TMPRSS9: variants seen among roughly 807,000 people sequenced by gnomAD.
TMPRSS9 encodes the protein transmembrane serine protease 9.
Under a neutral mutation model 111.4 loss-of-function variants are expected in TMPRSS9, and 113 were observed. The ratio of observed to expected loss-of-function variants is 1.01; its 90% CI spans 0.87 to 1.19. TMPRSS9 has a LOEUF of 1.19. TMPRSS9 is among the 50% of genes most tolerant of loss of function. The pLI, the probability that TMPRSS9 is intolerant of heterozygous loss-of-function variation, is 0.00. For synonymous variants in TMPRSS9, 805 were observed against 659.1 expected, an observed-to-expected ratio of 1.22 and a Z score of -3.39; for missense variants, 1,803 against 1,513.1, an observed-to-expected ratio of 1.19 and a Z score of -3.18.
intron 1 of TMPRSS9, among the ~76,000 whole-genome samples, chr19:2,381,807 T>A (rs1471462317): frequency 6.6e-6 from 1 of 150,876 alleles, no homozygotes; most frequent in African/African-American, 2.5e-5. Flanking sequence ...TCGGAGACAT[T>A]AGAATTTCAG....
intron 1 of TMPRSS9, among the ~76,000 whole-genome samples, chr19:2,370,844 C>T (rs929673395): frequency 3.9e-5 from 6 of 152,142 alleles, no homozygotes; most frequent in East Asian, 3.9e-4. Context: ...CATTTGTAGT[C>T]CCATCTACTC....
In TMPRSS9 at chr19:2,413,715, C is replaced by A. The variant is rs1176526327; in HGVS notation, c.1270C>A (p.Pro424Thr). ...GGTTTCCTAGGGTGACTCAGGAGGA[C>A]CCCTGGTCTGCGAGGAGCCCTCTGG... The change falls in exon 10 of 18, where the codon CCC becomes ACC. Residue 424 changes from proline (P) to threonine (T), a missense_variant. By Grantham distance (38) the Pro-to-Thr change is conservative. Coordinates refer to ENST00000648592, the Ensembl canonical transcript of TMPRSS9. 6 of 1,610,130 alleles carry A rather than the reference C, an allele frequency of 3.7e-6. No homozygotes were observed. The Admixed American group carries it at 1.0e-4, about 27-fold the overall frequency.
rs1482888765 is a variant in TMPRSS9, at chr19:2,407,316, G to GT, written c.843-1037dup. On this transcript the variant is annotated intron_variant, in intron 7 of 17. Coordinates refer to ENST00000648592, the Ensembl canonical transcript of TMPRSS9. ...GTGGGGGGATCACTTGAGGTCAGGA[G>GT]TTTGAGACCAGCCTGGCCAACATGG... Among the ~76,000 whole-genome samples, 13 of 151,612 alleles carry GT rather than the reference G, an allele frequency of 8.6e-5. No individual in the cohort carries two copies. The East Asian group carries it at 2.4e-3, about 28-fold the overall frequency.
chr19:2,370,678 C>T (rs1568465897), intron 1 of TMPRSS9, among the ~76,000 whole-genome samples: 1 of 152,096 alleles, frequency 6.6e-6, no homozygotes, highest in Non-Finnish European at 1.5e-5. Context: ...ATGGGTAATT[C>T]ACCCAGGATG....
At chr19:2,402,522 C>A (rs1970872460) in intron 5 of TMPRSS9, among the ~76,000 whole-genome samples, 1 of 151,894 alleles carries the variant, frequency 6.6e-6, no homozygotes, top group African/African-American at 2.4e-5. Context: ...GGTGGATCAC[C>A]TGAGGTCAGG....
At chr19:2,363,282 G>A (rs556452140) in intron 1 of TMPRSS9, among the ~76,000 whole-genome samples, 2 of 152,308 alleles carry the variant, frequency 1.3e-5, no homozygotes, top group East Asian at 1.9e-4. Context: ...TAGGCAAAAG[G>A]TGTTGGTGGC....
At position 2,390,231 on chromosome 19, in the gene TMPRSS9, G is replaced by GTTTTTTTTTTTTTTTT. The variant is rs1198106187; in HGVS notation, c.142+315_142+316insTTTTTTTTTTTTTTTT. Among the ~76,000 whole-genome samples the GTTTTTTTTTTTTTTTT allele has an allele frequency of 1.8e-5, 2 of 110,570 alleles. 1 individual carries two copies. The highest frequency in any genetic ancestry group is 3.7e-5 in the Non-Finnish European group (2 of 53,992). 72.5% of individuals were successfully genotyped at this position (110,570 alleles called of 152,430 possible). On this transcript the variant is annotated intron_variant, in intron 1 of 17. Transcript: ENST00000648592. ...GCAAATCAGCAAAATACCCAAAGTA[G>GTTTTTTTTTTTTTTTT]TTTTTTTTTTTGTTTTTTTTTTTTT... is the stretch of plus-strand genomic sequence containing the variant.
intron 1 of TMPRSS9, among the ~76,000 whole-genome samples, chr19:2,384,664 A>C (rs1166885233): frequency 4.6e-5 from 7 of 151,814 alleles, no homozygotes; most frequent in Non-Finnish European, 1.0e-4. Context: ...AAATACAAAA[A>C]ATTAGCCAGG....
At chr19:2,362,301 TATGTC>T (rs766224323) in intron 1 of TMPRSS9, among the ~76,000 whole-genome samples, 70 of 152,078 alleles carry the variant, frequency 4.6e-4, no homozygotes, top group Non-Finnish European at 8.1e-4. Flanking sequence ...TGCGTATAGT[TATGTC>T]ATGATGTTTG....
intron 2 of TMPRSS9, among the ~76,000 whole-genome samples, chr19:2,397,238 T>C (rs1970729721): frequency 6.6e-6 from 1 of 152,094 alleles, no homozygotes; most frequent in African/African-American, 2.4e-5. Context: ...TTTAGAGTTT[T>C]ACATTTTATT....
intron 5 of TMPRSS9, 113 bp from the exon 7 acceptor site, chr19:2,402,965 AGGAG>A: frequency 1.4e-6 from 1 of 740,218 alleles, no homozygotes; most frequent in Non-Finnish European, 2.3e-6. Flanking sequence ...AGGAAAGAAA[AGGAG>A]AGAGAGAGTT....
chr19:2,360,653 C>G (rs1280523580), intron 1 of TMPRSS9, among the ~76,000 whole-genome samples: 1 of 151,610 alleles, frequency 6.6e-6, no homozygotes, highest in Admixed American at 6.6e-5. Flanking sequence ...TGTGTGGACG[C>G]AGGTGCGGCG....
chr19:2,405,593 C>T (rs1970951977), intron 7 of TMPRSS9, 48 bp downstream of exon 8: 2 of 1,456,380 alleles, frequency 1.4e-6, no homozygotes, highest in Non-Finnish European at 1.8e-6. Flanking sequence ...TGTATTTCTC[C>T]TGCCTTCCCT....
chr19:2,389,667 C>A (rs1386493994), upstream of TMPRSS9: 2 of 1,298,510 alleles, frequency 1.5e-6, no homozygotes, highest in Non-Finnish European at 2.1e-6. Context: ...CGCGCCCCGC[C>A]GTTTTTAAGG....
At chr19:2,419,836 T>G (rs1275007382) in intron 13 of TMPRSS9, among the ~76,000 whole-genome samples, 1 of 152,144 alleles carries the variant, frequency 6.6e-6, no homozygotes, top group Non-Finnish European at 1.5e-5. Flanking sequence ...ATGCCCAGAT[T>G]TCTGAAGGGC....
chr19:2,385,274 G>A (rs538359884), upstream of TMPRSS9, among the ~76,000 whole-genome samples: 7 of 151,988 alleles, frequency 4.6e-5, no homozygotes. Context: ...CAGTGCTCCC[G>A]GTGGAGTCTG....
At chr19:2,390,410 AT>A (rs929131012) in intron 1 of TMPRSS9, among the ~76,000 whole-genome samples, 5 of 149,604 alleles carry the variant, frequency 3.3e-5, no homozygotes, top group Non-Finnish European at 6.0e-5. Context: ...CCCCCGGCTA[AT>A]TTTTTGTATT....
exon 16 of TMPRSS9, chr19:2,425,102 T>C (rs368857990): frequency 1.9e-6 from 3 of 1,583,944 alleles, no homozygotes; most frequent in South Asian, 2.2e-5. Flanking sequence ...CAAGCACCCG[T>C]TCTACAATCT....
chr19:2,384,714 C>T (rs564102148), intron 1 of TMPRSS9, among the ~76,000 whole-genome samples: 43 of 150,282 alleles, frequency 2.9e-4, no homozygotes, highest in Middle Eastern at 3.4e-3. Context: ...ACTCAGGAGG[C>T]GGAGTCAGGA....
Sources: allele counts gnomAD v4.1 joint callset (sites outside exome capture counted in the v4.1 genomes callset), GRCh38; gene constraint gnomAD v4.1.1; transcripts MANE v1.5; gene names NCBI Gene and HGNC (gene_info 2026-07-23, HGNC 2026-07-21).